The following CFAP44 variants were observed in gnomAD, a reference collection of about 807,000 sequenced individuals.
The protein encoded by CFAP44 is cilia- and flagella-associated protein 44.
A neutral mutation model predicts 216.2 loss-of-function variants in CFAP44; 134 were observed. The observed-to-expected ratio is 0.62, with a 90% CI of 0.54 to 0.72. CFAP44 has a LOEUF of 0.72. Among genes scored for constraint, CFAP44 ranks in the 30% least tolerant of loss-of-function variants. The pLI, the probability that CFAP44 is intolerant of heterozygous loss-of-function variation, is 0.00. For missense variants in CFAP44, 2,035 were observed against 2,182.1 expected (o/e 0.93, Z 1.34); for synonymous variants, 700 against 727.6 (o/e 0.96, Z 0.61).
At position 113,305,030 on chromosome 3, in the gene CFAP44, C is replaced by T; in HGVS notation, c.4875+6G>A. On this transcript the variant is annotated splice_donor_region_variant and intron_variant, in intron 31 of 34. Transcript: ENST00000393845. ...CAGGATGGAGCAGCCTCCCCAGACGCATCACCTGGTGGAGCTTGAGCGGAA... is the reference window on the plus strand; with the variant it reads ...CAGGATGGAGCAGCCTCCCCAGACGTATCACCTGGTGGAGCTTGAGCGGAA... The T allele has an allele frequency of 6.5e-7, 1 of 1,536,940 alleles. No homozygotes were observed. The highest frequency in any genetic ancestry group is 8.7e-7 in the Non-Finnish European group (1 of 1,146,668).
chr3:113,414,954 A>T (rs531622142), intron 6 of CFAP44, among the ~76,000 whole-genome samples: 281 of 151,970 alleles, frequency 1.8e-3, no homozygotes, highest in Admixed American at 3.1e-3. Flanking sequence ...TCCTCTTTGT[A>T]TTTCTAGTAG....
chr3:113,414,383 C>T (rs1469262952), intron 6 of CFAP44, among the ~76,000 whole-genome samples: 3 of 152,160 alleles, frequency 2.0e-5, no homozygotes, highest in African/African-American at 7.2e-5. Context: ...CTGTCCAGAA[C>T]TTCCAATACT....
At chr3:113,346,102 C>G (rs1041067600) in intron 22 of CFAP44, among the ~76,000 whole-genome samples, 1 of 152,202 alleles carries the variant, frequency 6.6e-6, no homozygotes, top group Non-Finnish European at 1.5e-5. Flanking sequence ...TGTAAACACA[C>G]CAATCAGTGC....
rs149841499 is a variant in CFAP44, at chr3:113,332,867, C to T, written c.3615+539G>A. On this transcript the variant is annotated intron_variant, in intron 25 of 34. Transcript: ENST00000393845. ...GGTGGTCCATGGCAACGAAAAACTACATCCAATGAGGATTTGTTTGAATTT... is the reference window on the plus strand; with the variant it reads ...GGTGGTCCATGGCAACGAAAAACTATATCCAATGAGGATTTGTTTGAATTT... Among the ~76,000 whole-genome samples, 5 of 152,272 alleles carry T rather than the reference C, an allele frequency of 3.3e-5. No homozygotes were observed. In the East Asian group the frequency reaches 7.7e-4, roughly 23 times the overall value.
At chr3:113,376,094 G>A (rs1416333227) in intron 17 of CFAP44, among the ~76,000 whole-genome samples, 2 of 151,998 alleles carry the variant, frequency 1.3e-5, no homozygotes, top group Non-Finnish European at 1.5e-5. Flanking sequence ...TAATCCTATA[G>A]GATTCTTTTA....
chr3:113,416,486 C>G, intron 6 of CFAP44, 39 bp downstream of exon 6: 1 of 1,469,580 alleles, frequency 6.8e-7, no homozygotes, highest in South Asian at 1.2e-5. Context: ...ATGTTGTTAT[C>G]CTTGAACATG....
chr3:113,292,361 T>C (rs1949838655), intron 34 of CFAP44, among the ~76,000 whole-genome samples: 1 of 152,238 alleles, frequency 6.6e-6, no homozygotes, highest in African/African-American at 2.4e-5. Flanking sequence ...AAGTGCTTGT[T>C]TGATACCTAT....
At chr3:113,324,314 A>T (rs756905786) in intron 28 of CFAP44, among the ~76,000 whole-genome samples, 16 of 152,116 alleles carry the variant, frequency 1.1e-4, no homozygotes, top group African/African-American at 2.2e-4. Flanking sequence ...CAGTACCAAA[A>T]ATGAAAACTA....
chr3:113,299,710 C>G (rs1247758498), intron 32 of CFAP44, among the ~76,000 whole-genome samples: 1 of 152,132 alleles, frequency 6.6e-6, no homozygotes, highest in Non-Finnish European at 1.5e-5. Context: ...TACATGTAGA[C>G]AATGGAGTAC....
intron 21 of CFAP44, among the ~76,000 whole-genome samples, chr3:113,361,984 G>C (rs1278191082): frequency 1.3e-5 from 2 of 151,634 alleles, no homozygotes; most frequent in African/African-American, 4.8e-5. Flanking sequence ...TTCTTGTTCT[G>C]ATAGCTTCCC....
chr3:113,347,621 G>T (rs773320371), intron 22 of CFAP44, among the ~76,000 whole-genome samples: 1 of 152,164 alleles, frequency 6.6e-6, no homozygotes, highest in South Asian at 2.1e-4. Flanking sequence ...GCCCCATTGG[G>T]TGGGGAGACC....
At chr3:113,432,188 A>G (rs1935122666) in intron 2 of CFAP44, 1 of 152,162 alleles carries the variant, frequency 6.6e-6, no homozygotes, top group Non-Finnish European at 1.5e-5. Flanking sequence ...TCTAGACCAG[A>G]CGTGTGGATA....
chr3:113,439,121 G>C (rs2107424696), intron 1 of CFAP44, among the ~76,000 whole-genome samples: 1 of 152,282 alleles, frequency 6.6e-6, no homozygotes, highest in South Asian at 2.1e-4. Flanking sequence ...TGCAGGACTA[G>C]CATAAATTTC....
intron 21 of CFAP44, among the ~76,000 whole-genome samples, chr3:113,359,590 T>A (rs548460995): frequency 5.3e-5 from 8 of 152,310 alleles, no homozygotes; most frequent in African/African-American, 1.9e-4. Flanking sequence ...TAAAGGTCTT[T>A]TAACTATTTT....
At chr3:113,348,052 G>C (rs938583364) in intron 22 of CFAP44, among the ~76,000 whole-genome samples, 2 of 152,128 alleles carry the variant, frequency 1.3e-5, no homozygotes, top group Admixed American at 1.3e-4. Flanking sequence ...TAGTGTTTTT[G>C]CTGCTGCATT....
Position 113,330,473 on chromosome 3 carries a change from A to G in CFAP44, c.3811T>C (p.Tyr1271His), listed in dbSNP as rs1950230682. The change falls in exon 26 of 35, where the codon TAT becomes CAT. Residue 1271 changes from tyrosine to histidine, a missense_variant. Tyr to His is a moderately conservative substitution (Grantham distance 83). Around this residue, in one of 3 missense-constraint regions of CFAP44, gnomAD observed 1,883 missense variants for 2,023.7 expected, o/e 0.93. Coordinates refer to ENST00000393845, the MANE Select transcript of CFAP44 (RefSeq NM_001164496.2). ...AAATTTAGGAGAGTTTCTTCATCATACTGAAATCTCTTTTCTGGAACTTCT... is the reference window on the plus strand; with the variant it reads ...AAATTTAGGAGAGTTTCTTCATCATGCTGAAATCTCTTTTCTGGAACTTCT... ...PEEVPEKRFQYDEETLLNFKQ... is the reference protein window; with the variant it reads ...PEEVPEKRFQHDEETLLNFKQ... 1.3e-6 allele frequency: 2 copies of G among 1,537,048 alleles called. No individual in the cohort carries two copies. The highest frequency in any genetic ancestry group is 1.7e-6 in the Non-Finnish European group (2 of 1,146,892).
At chr3:113,416,909 T>C (rs966819432) in intron 5 of CFAP44, among the ~76,000 whole-genome samples, 3 of 152,224 alleles carry the variant, frequency 2.0e-5, no homozygotes, top group African/African-American at 7.2e-5. Context: ...CTATCTTCAA[T>C]GTGCATCAGA....
chr3:113,400,026 A>G, intron 12 of CFAP44, 26 bp from the exon 13 acceptor site: 1 of 1,452,526 alleles, frequency 6.9e-7, no homozygotes, highest in Non-Finnish European at 9.2e-7. Flanking sequence ...TTTAAAAGAA[A>G]AAAAATTATA....
At position 113,427,130 on chromosome 3, in the gene CFAP44, T is replaced by C. The variant is rs900948533; in HGVS notation, c.253+57A>G. 2.6e-6 allele frequency: 4 copies of C among 1,549,934 alleles called. No individual in the cohort carries two copies. In the African/African-American group the frequency reaches 5.5e-5, roughly 21 times the overall value. On this transcript the variant is annotated intron_variant, in intron 3 of 34. Transcript: ENST00000393845. ...TATGGATTTATAACTCTTCCATTTG[T>C]CTGGGCTTTGTCTCTAAAACAGTGA...
Sources: allele counts gnomAD v4.1 joint callset (sites outside exome capture counted in the v4.1 genomes callset), GRCh38; gene constraint gnomAD v4.1.1; regional missense constraint gnomAD v4.1.1; transcripts MANE v1.5; gene names NCBI Gene and HGNC (gene_info 2026-07-23, HGNC 2026-07-21).